The following THEMIS variants were observed in gnomAD, a reference collection of about 807,000 sequenced individuals.
The protein encoded by THEMIS is protein THEMIS.
THEMIS carries 37 observed loss-of-function variants against 52.6 expected under a neutral mutation model. That is an observed-to-expected ratio of 0.70 (90% confidence interval 0.54 to 0.93). THEMIS has a LOEUF of 0.93. THEMIS is among the 40% of genes least tolerant of loss of function. THEMIS has a pLI of 0.00. For missense variants in THEMIS, 808 were observed against 763.1 expected (o/e 1.06, Z -0.69); for synonymous variants, 292 against 272.7 (o/e 1.07, Z -0.70).
intron 1 of THEMIS, among the ~76,000 whole-genome samples, chr6:127,878,611 G>A (rs189475655): frequency 1.3e-5 from 2 of 152,194 alleles, no homozygotes; most frequent in East Asian, 3.9e-4. Context: ...TAAGGTGAAT[G>A]ACAAAATGGA....
chr6:127,814,767 G>C (rs1329404150), intron 3 of THEMIS, among the ~76,000 whole-genome samples: 1 of 152,122 alleles, frequency 6.6e-6, no homozygotes, highest in Non-Finnish European at 1.5e-5. Context: ...CTTCCTTTGA[G>C]ACTACAGAGA....
upstream of THEMIS, among the ~76,000 whole-genome samples, chr6:127,903,297 A>G (rs749136398): frequency 2.8e-4 from 43 of 152,100 alleles, no homozygotes; most frequent in Non-Finnish European, 4.7e-4. Context: ...AAGGTTGACA[A>G]AGAAGAGCAA....
At chr6:127,720,389 C>T (rs996216065) in intron 4 of THEMIS, among the ~76,000 whole-genome samples, 5 of 151,926 alleles carry the variant, frequency 3.3e-5, no homozygotes, top group African/African-American at 1.2e-4. Flanking sequence ...GTCCCTATAA[C>T]TCATCTCACA....
chr6:127,747,626 TA>T (rs929695806), intron 4 of THEMIS, among the ~76,000 whole-genome samples: 1 of 151,724 alleles, frequency 6.6e-6, no homozygotes, highest in Non-Finnish European at 1.5e-5. Flanking sequence ...TTTATCCTTT[TA>T]AAAAATCTTT....
chr6:127,767,061 A>C (rs964172184), intron 4 of THEMIS, among the ~76,000 whole-genome samples: 1 of 152,118 alleles, frequency 6.6e-6, no homozygotes, highest in East Asian at 1.9e-4. Context: ...AAATGCAAAT[A>C]TGCTGTACAG....
Position 127,813,077 on chromosome 6 carries a change from C to T in THEMIS, c.1564G>A (p.Asp522Asn), listed in dbSNP as rs770643870. Residue 522 changes from aspartate to asparagine, a missense_variant, in exon 4 of 6, where the codon GAT (aspartate) becomes AAT (asparagine). By Grantham distance (23) the Asp-to-Asn change is conservative (BLOSUM62 1). Coordinates refer to ENST00000368248, the MANE Select transcript of THEMIS (RefSeq NM_001010923.3). ...GTCCTGACTAGAAATGGTTCTGCAT[C>T]CCTAGAGAAATTACTAACTAACTGA... Reference protein sequence around the residue: ...TVQLVSNFSRDAEPFLVRTLV... With the variant: ...TVQLVSNFSRNAEPFLVRTLV... 3.1e-6 allele frequency: 5 copies of T among 1,614,080 alleles called. No individual in the cohort carries two copies. Among genetic ancestry groups the T allele is most frequent in the East Asian group, 4.5e-5 (2 of 44,878 alleles).
intron 2 of THEMIS, among the ~76,000 whole-genome samples, chr6:127,842,980 T>G (rs1779099891): frequency 6.6e-6 from 1 of 152,006 alleles, no homozygotes; most frequent in East Asian, 1.9e-4. Context: ...CCTGGCTACT[T>G]AAGAGTTTCC....
At chr6:127,856,223 T>G (rs774720916) in intron 1 of THEMIS, among the ~76,000 whole-genome samples, 3 of 151,948 alleles carry the variant, frequency 2.0e-5, no homozygotes, top group Non-Finnish European at 2.9e-5. Flanking sequence ...GAATTGTTCC[T>G]GATATGTAGC....
At chr6:127,782,191 T>C (rs573030120) in intron 4 of THEMIS, among the ~76,000 whole-genome samples, 69 of 152,164 alleles carry the variant, frequency 4.5e-4, no homozygotes, top group Admixed American at 1.2e-3. Flanking sequence ...ACTGCTGTGC[T>C]GGTAGCGAGA....
chr6:127,907,337 A>ATTGTTTTTTTTTTTTTTT (rs1781297569), intron 1 of THEMIS, among the ~76,000 whole-genome samples: 1 of 49,448 alleles, frequency 2.0e-5, no homozygotes, highest in Non-Finnish European at 3.7e-5. Context: ...TTAGGCTCGG[A>ATTGTTTTTTTTTTTTTTT]TTTTTTTTTT....
chr6:127,818,801 G>A (rs540456394), intron 3 of THEMIS, among the ~76,000 whole-genome samples: 19 of 151,550 alleles, frequency 1.3e-4, no homozygotes, highest in Non-Finnish European at 2.1e-4. Context: ...AACTCTAGGG[G>A]AAAACTGAAA....
At chr6:127,901,656 A>G (rs1449733578), upstream of THEMIS, among the ~76,000 whole-genome samples, 1 of 152,124 alleles carries the variant, frequency 6.6e-6, no homozygotes, top group African/African-American at 2.4e-5. Flanking sequence ...TAATCTCTAC[A>G]CTATAGTAGA....
At chr6:127,868,312 T>A (rs932355032) in intron 1 of THEMIS, 1 of 296,260 alleles carries the variant, frequency 3.4e-6, no homozygotes, top group African/African-American at 2.3e-5. Context: ...GGTGGGATTG[T>A]CTTGATCAAG....
At chr6:127,910,908 C>A (rs1781395852) in intron 1 of THEMIS, among the ~76,000 whole-genome samples, 1 of 152,068 alleles carries the variant, frequency 6.6e-6, no homozygotes, top group African/African-American at 2.4e-5. Flanking sequence ...TCTCCCTAGG[C>A]TCCTGGGAGC....
intron 4 of THEMIS, among the ~76,000 whole-genome samples, chr6:127,803,858 G>T (rs1356880212): frequency 6.6e-6 from 1 of 152,098 alleles, no homozygotes; most frequent in Non-Finnish European, 1.5e-5. Flanking sequence ...TCTTCCAGAG[G>T]TATAGTTGAA....
chr6:127,858,034 T>C (rs1383682873), intron 1 of THEMIS, among the ~76,000 whole-genome samples: 2 of 152,098 alleles, frequency 1.3e-5, no homozygotes, highest in Admixed American at 6.6e-5. Flanking sequence ...TTAATTTCAG[T>C]GCACTGATTA....
At chr6:127,873,640 G>T (rs892891674) in intron 1 of THEMIS, among the ~76,000 whole-genome samples, 1 of 152,144 alleles carries the variant, frequency 6.6e-6, no homozygotes, top group African/African-American at 2.4e-5. Flanking sequence ...CAATGTAGGG[G>T]TTAAGGGCAC....
intron 1 of THEMIS, among the ~76,000 whole-genome samples, chr6:127,873,485 C>T (rs538702795): frequency 2.6e-5 from 4 of 152,060 alleles, no homozygotes; most frequent in East Asian, 1.9e-4. Context: ...CCAAAAACAG[C>T]GCCACAGAAA....
At chr6:127,913,645 A>G (rs917027952) in intron 1 of THEMIS, among the ~76,000 whole-genome samples, 3 of 152,222 alleles carry the variant, frequency 2.0e-5, no homozygotes, top group African/African-American at 7.2e-5. Context: ...TCTCACTGAG[A>G]GATTTCTCCG....
Sources: gnomAD v4.1 joint callset for allele counts (sites outside exome capture counted in the v4.1 genomes callset) on GRCh38, gnomAD v4.1.1 for gene constraint, MANE v1.5 for transcripts, NCBI Gene and HGNC (gene_info 2026-07-23, HGNC 2026-07-21) for gene names.